LAMC3: variants seen among roughly 807,000 people sequenced by gnomAD.
LAMC3 encodes the protein laminin subunit gamma 3.
A neutral mutation model predicts 173.8 loss-of-function variants in LAMC3; 128 were observed. The ratio of observed to expected loss-of-function variants is 0.74; its 90% CI spans 0.64 to 0.85. The LOEUF is 0.85. LAMC3 is among the 40% of genes least tolerant of loss of function. LAMC3 has a pLI of 0.00. For missense variants in LAMC3, 2,022 were observed against 2,156.0 expected (o/e 0.94, Z 1.23); for synonymous variants, 897 against 909.1 (o/e 0.99, Z 0.24).
At chr9:131,048,195 T>C (rs1834211918) in intron 8 of LAMC3, among the ~76,000 whole-genome samples, 1 of 151,822 alleles carries the variant, frequency 6.6e-6, no homozygotes, top group Admixed American at 6.6e-5. Context: ...TAGCTCAGAT[T>C]ATAGGCAGCT....
intron 1 of LAMC3, among the ~76,000 whole-genome samples, chr9:131,018,962 A>G (rs1833580157): frequency 6.6e-6 from 1 of 152,148 alleles, no homozygotes; most frequent in African/African-American, 2.4e-5. Context: ...GTCCTGTTCT[A>G]TAAAGACCTG....
chr9:131,032,440 TCCC>T (rs1465118129), intron 3 of LAMC3, among the ~76,000 whole-genome samples: 34 of 150,808 alleles, frequency 2.3e-4, no homozygotes, highest in South Asian at 8.5e-4. Flanking sequence ...CCTTCCTTCC[TCCC>T]TCCCTCCCTC....
intron 1 of LAMC3, among the ~76,000 whole-genome samples, chr9:131,019,224 T>G (rs189718405): frequency 6.6e-6 from 1 of 152,142 alleles, no homozygotes; most frequent in Non-Finnish European, 1.5e-5. Context: ...ATCACGCCAC[T>G]GCACTCCAGC....
chr9:131,045,145 C>A (rs1834125206), intron 7 of LAMC3, among the ~76,000 whole-genome samples: 1 of 149,016 alleles, frequency 6.7e-6, no homozygotes, highest in African/African-American at 2.5e-5. Flanking sequence ...TCACTTGAAC[C>A]CGGGAGGCGG....
chr9:131,017,233 T>C (rs1833538042), intron 1 of LAMC3, among the ~76,000 whole-genome samples: 1 of 152,050 alleles, frequency 6.6e-6, no homozygotes, highest in African/African-American at 2.4e-5. Flanking sequence ...CAGACACCTC[T>C]CGGGAGGGGA....
At chr9:131,073,944 C>CTTTTT (rs57877574) in intron 20 of LAMC3, among the ~76,000 whole-genome samples, 234 of 90,758 alleles carry the variant, frequency 2.6e-3, no homozygotes, top group East Asian at 6.2e-3. Flanking sequence ...CTTTTCTTTT[C>CTTTTT]TTTTTTTTTT....
chr9:131,068,904 A>G lies in LAMC3; in HGVS notation c.2748-4A>G, dbSNP rs1829990563. On this transcript the variant is annotated splice_polypyrimidine_tract_variant and splice_region_variant and intron_variant, in intron 15 of 27. Transcript: ENST00000361069. ...CTCAGACCCAGTTCCTTCCCTGATC[A>G]CAGCTGCAAGTGTCACCCACTGGGC... The G allele has an allele frequency of 1.2e-6, 2 of 1,613,812 alleles. No homozygotes were observed. Among genetic ancestry groups the G allele is most frequent in the Middle Eastern group, 1.7e-4 (1 of 6,046 alleles).
chr9:131,018,635 G>A (rs991239686), intron 1 of LAMC3, among the ~76,000 whole-genome samples: 9 of 152,198 alleles, frequency 5.9e-5, no homozygotes, highest in East Asian at 5.8e-4. Flanking sequence ...CCTCCAGGCC[G>A]CCCAATATGC....
At chr9:131,054,464 G>C (rs745710690) in intron 11 of LAMC3, among the ~76,000 whole-genome samples, 1 of 152,108 alleles carries the variant, frequency 6.6e-6, no homozygotes, top group Admixed American at 6.6e-5. Flanking sequence ...ATAGAAATGT[G>C]ATTACACAGC....
intron 20 of LAMC3, 53 bp from the exon 21 acceptor site, chr9:131,075,777 TG>T: frequency 6.4e-7 from 1 of 1,569,552 alleles, no homozygotes. Context: ...GTTCTGATCC[TG>T]GGCCCCTTCC....
intron 7 of LAMC3, among the ~76,000 whole-genome samples, chr9:131,043,410 C>T (rs910969941): frequency 1.3e-5 from 2 of 152,120 alleles, no homozygotes; most frequent in Admixed American, 1.3e-4. Context: ...ACAAGATAAG[C>T]CCAAGGCGTC....
rs905163353 is a variant in LAMC3 at position 131,045,908 on chromosome 9, G to C, written c.1519+248G>C. Among the ~76,000 whole-genome samples, 50 of 152,190 alleles carry C rather than the reference G, an allele frequency of 3.3e-4. 1 individual carries two copies. Among genetic ancestry groups the C allele is most frequent in the Non-Finnish European group, 4.4e-5 (3 of 68,040 alleles). On this transcript the variant is annotated intron_variant, in intron 8 of 27. Transcript: ENST00000361069. ...TGGGGTTGGGGGCCGGGTACGTGAC[G>C]CTTTTTGGATCCTGTAGGGGAATTT...
chr9:131,052,812 C>T (rs763547597), intron 10 of LAMC3, 38 bp from the exon 11 acceptor site: 18 of 1,371,734 alleles, frequency 1.3e-5, no homozygotes, highest in Non-Finnish European at 1.9e-5. Flanking sequence ...CCCCCCCACC[C>T]TATGTCGGGA....
intron 24 of LAMC3, 125 bp from the exon 25 acceptor site, chr9:131,085,399 C>A (rs759915691): frequency 7.1e-5 from 64 of 897,582 alleles, no homozygotes; most frequent in Non-Finnish European, 1.1e-4. Flanking sequence ...ACGTTGCATG[C>A]ACTTCAGACC....
At position 131,026,139 on chromosome 9, in the gene LAMC3, G is replaced by T; in HGVS notation, c.374-146G>T. ...TGCCCCAGCAGGCATCATGAATGGA[G>T]GGTGGCTTCCCCTGTCCAGAGCTCC... On this transcript the variant is annotated intron_variant, in intron 1 of 27. Coordinates refer to ENST00000361069, the MANE Select transcript of LAMC3 (RefSeq NM_006059.4). This position sits in a 1 kb window ranked among gnomAD's most constrained non-coding sequence, Gnocchi z 4.8. The T allele has an allele frequency of 6.7e-7, 1 of 1,488,574 alleles. No homozygotes were observed. The highest frequency in any genetic ancestry group is 1.2e-5 in the South Asian group (1 of 80,304). 92.2% of individuals were successfully genotyped at this position (1,488,574 alleles called of 1,614,324 possible).
chr9:131,021,192 G>A (rs1338629118), intron 1 of LAMC3: 1 of 152,090 alleles, frequency 6.6e-6, no homozygotes, highest in Admixed American at 6.6e-5. Context: ...ATTCAATCTC[G>A]GCTGCCACAG....
chr9:131,056,627 T>A (rs1051275308), intron 11 of LAMC3, among the ~76,000 whole-genome samples: 1 of 151,992 alleles, frequency 6.6e-6, no homozygotes, highest in African/African-American at 2.4e-5. Flanking sequence ...AAACCCCATC[T>A]CTACAAAAAT....
chr9:131,052,768 T>TC, intron 10 of LAMC3, 82 bp from the exon 11 acceptor site: 1 of 1,379,670 alleles, frequency 7.2e-7, no homozygotes, highest in South Asian at 1.2e-5. Context: ...GCCCCTGTAG[T>TC]CTGGGGGGCT....
chr9:131,085,289 T>A (rs1183145409), intron 24 of LAMC3, among the ~76,000 whole-genome samples: 2 of 152,150 alleles, frequency 1.3e-5, no homozygotes, highest in African/African-American at 2.4e-5. Context: ...TTAATAGACA[T>A]CCTAATAGAA....
Sources: allele counts gnomAD v4.1 joint callset (sites outside exome capture counted in the v4.1 genomes callset), GRCh38; gene constraint gnomAD v4.1.1; non-coding constraint Gnocchi (gnomAD v3.1); transcripts MANE v1.5; gene names NCBI Gene and HGNC (gene_info 2026-07-23, HGNC 2026-07-21).